Variants in TRIM47 observed in about 807,000 individuals in gnomAD.
The protein encoded by TRIM47 is tripartite motif containing 47.
TRIM47 carries 46 observed loss-of-function variants against 54.4 expected under a neutral mutation model. That is an observed-to-expected ratio of 0.84 (90% CI 0.67 to 1.08). The LOEUF (loss-of-function observed/expected upper bound fraction) is 1.08. TRIM47 is among the 50% of genes least tolerant of loss of function. The pLI is 0.00. For missense variants in TRIM47, 825 were observed against 910.1 expected, an observed-to-expected ratio of 0.91 and a Z score of 1.20; for synonymous variants, 392 against 410.2, an observed-to-expected ratio of 0.96 and a Z score of 0.54.
At position 75,875,799 on chromosome 17, in the gene TRIM47, C is replaced by A; in HGVS notation, c.1201+102G>T. On this transcript the variant is annotated intron_variant, in intron 4 of 5. Coordinates refer to ENST00000254816, the MANE Select transcript of TRIM47 (RefSeq NM_033452.3). This position sits in a 1 kb window ranked among gnomAD's most constrained non-coding sequence, Gnocchi z 6.1. ...GATTTGGGCTCCTCCCTGTGCCAGG[C>A]ACAATTTTCCTCCTCCACTTCTGGA... is the stretch of plus-strand genomic sequence containing the variant. 1 of 1,375,896 alleles carries A rather than the reference C, an allele frequency of 7.3e-7. No homozygotes were observed. The allele number at this position is 1,375,896 out of a possible 1,614,324, so 85.2% of individuals were successfully genotyped here. A position where few individuals can be genotyped will look rare whatever the true frequency, so the allele number is the denominator to read the frequency against.
rs2065128808 is a variant in TRIM47 at position 75,875,654 on chromosome 17, C to T, written c.1202-180G>A. 1.4e-6 allele frequency: 1 copy of T among 716,618 alleles called. No homozygotes were observed. The highest frequency in any genetic ancestry group is 2.7e-5 in the East Asian group (1 of 37,058). 44.4% of individuals were successfully genotyped at this position (716,618 alleles called of 1,614,324 possible). On this transcript the variant is annotated intron_variant, in intron 4 of 5. Coordinates refer to ENST00000254816, the MANE Select transcript of TRIM47 (RefSeq NM_033452.3). The surrounding 1 kb of genome is among the most constrained non-coding windows in gnomAD (Gnocchi z 6.1). ...CGTTGCCTGTGTTCTGCCTCTTGCC[C>T]CATGTGCTTCCCGGGCCACAGCCCT...
rs1381042828 is a variant in TRIM47 at position 75,875,524 on chromosome 17, G to T, written c.1202-50C>A. The T allele has an allele frequency of 6.5e-7, 1 of 1,531,624 alleles. No individual in the cohort carries two copies. Among genetic ancestry groups the T allele is most frequent in the Non-Finnish European group, 9.0e-7 (1 of 1,106,338 alleles). 94.9% of individuals were successfully genotyped at this position (1,531,624 alleles called of 1,614,324 possible). On this transcript the variant is annotated intron_variant, in intron 4 of 5. Coordinates refer to ENST00000254816, the MANE Select transcript of TRIM47 (RefSeq NM_033452.3). The surrounding 1 kb of genome is among the most constrained non-coding windows in gnomAD (Gnocchi z 6.1). ...GAACGCCCCCAGACTGCCCCCCTCT[G>T]AACCTGTGACTACAATCCCTACCCC...
Position 75,876,484 on chromosome 17 carries a change from G to A in TRIM47, c.780C>T (p.Ala260=), listed in dbSNP as rs149563297. The change falls in exon 3 of 6, where the codon GCC becomes GCT. Residue 260 remains alanine (A), a synonymous_variant. Transcript: ENST00000254816. ...GGCTCACCCTCTCCCGCTCTGCTAC[G>A]GCTGCACTCTGCACAGGACGACAGT... ...RRTVALIKSA[A]VAERERVSRL... is the part of the protein sequence containing the mutation. The A allele has an allele frequency of 1.5e-4, 243 of 1,604,424 alleles. No individual in the cohort carries two copies. Among genetic ancestry groups the A allele is most frequent in the Non-Finnish European group, 1.9e-4 (227 of 1,177,894 alleles).
chr17:75,875,356 G>C lies in TRIM47; in HGVS notation c.1276+44C>G, dbSNP rs534379559. 1.6e-5 allele frequency: 26 copies of C among 1,598,554 alleles called. No homozygotes were observed. The highest frequency in any genetic ancestry group is 1.7e-4 in the Middle Eastern group (1 of 6,026). On this transcript the variant is annotated intron_variant, in intron 5 of 5. Transcript: ENST00000254816. This position sits in a 1 kb window ranked among gnomAD's most constrained non-coding sequence, Gnocchi z 6.1. ...CTGCTGGGACCAGCCCAGCAGCCCT[G>C]GGAGGGCCCAGTGTGAGTGGAGGGG...
At position 75,875,352 on chromosome 17, in the gene TRIM47, C is replaced by T; in HGVS notation, c.1276+48G>A. ...GGCCCTGCTGGGACCAGCCCAGCAG[C>T]CCTGGGAGGGCCCAGTGTGAGTGGA... On this transcript the variant is annotated intron_variant, in intron 5 of 5. Coordinates refer to ENST00000254816, the MANE Select transcript of TRIM47 (RefSeq NM_033452.3). This position sits in a 1 kb window ranked among gnomAD's most constrained non-coding sequence, Gnocchi z 6.1. 6.3e-7 allele frequency: 1 copy of T among 1,593,440 alleles called. No individual in the cohort carries two copies. The highest frequency in any genetic ancestry group is 8.6e-7 in the Non-Finnish European group (1 of 1,161,656).
chr17:75,878,553 C>T lies in TRIM47; in HGVS notation c.-5G>A. The stretch of plus-strand genomic sequence containing the variant: ...GAAGGGTCCACTGCCGTCCATGACT[C>T]CGCGGCCGCCCAGGGCGCCGCCGAT... On this transcript the variant is annotated 5_prime_UTR_variant, in exon 1 of 6. Transcript: ENST00000254816. 1 of 1,274,434 alleles carries T rather than the reference C, an allele frequency of 7.8e-7. No individual in the cohort carries two copies. Among genetic ancestry groups the T allele is most frequent in the Non-Finnish European group, 1.0e-6 (1 of 1,004,970 alleles). The allele number at this position is 1,274,434 out of a possible 1,614,324, so 78.9% of individuals were successfully genotyped here.
rs756710895 is a variant in TRIM47 at position 75,874,738 on chromosome 17, G to A, written c.1662C>T (p.Tyr554=). Residue 554 remains tyrosine (Y), a synonymous_variant, in exon 6 of 6, where the codon TAC becomes TAT. Transcript: ENST00000254816. This position sits in a 1 kb window ranked among gnomAD's most constrained non-coding sequence, Gnocchi z 6.2. ...CATAGAAGGCCAAGGCACGGTCAGC[G>A]TATTCCAGGCAGACCCCAACCGTGG... ...FSPTVGVCLE[Y]ADRALAFYAV... 2.9e-5 allele frequency: 46 copies of A among 1,613,932 alleles called. No homozygotes were observed. Among genetic ancestry groups the A allele is most frequent in the South Asian group, 1.8e-4 (16 of 91,090 alleles).
In TRIM47 at chr17:75,876,003, G is replaced by A. The variant is rs749162324; in HGVS notation, c.1099C>T (p.Arg367Cys). 13 of 1,605,772 alleles carry A rather than the reference G, an allele frequency of 8.1e-6. No individual in the cohort carries two copies. The highest frequency in any genetic ancestry group is 4.5e-5 in the East Asian group (2 of 44,894). The change falls in exon 4 of 6, where the codon CGT (arginine) becomes TGT (cysteine). Residue 367 changes from arginine (R) to cysteine (C), a missense_variant. Coordinates refer to ENST00000254816, the MANE Select transcript of TRIM47 (RefSeq NM_033452.3). Reference protein sequence around the residue: ...LSFTKSSQAVRAVRDMLAVAC... With the variant: ...LSFTKSSQAVCAVRDMLAVAC... Reference sequence around the variant, plus strand: ...ACGGCCAGCATGTCTCTCACTGCACGGACAGCTTGGGATGATTTGGTGAAG... The same window carrying A: ...ACGGCCAGCATGTCTCTCACTGCACAGACAGCTTGGGATGATTTGGTGAAG...
In TRIM47 at chr17:75,874,902, CG is replaced by C; in HGVS notation, c.1497del (p.Glu500LysfsTer70). The C allele has an allele frequency of 6.2e-7, 1 of 1,614,116 alleles. No individual in the cohort carries two copies. The highest frequency in any genetic ancestry group is 8.5e-7 in the Non-Finnish European group (1 of 1,180,008). ...TAGGGCTCTTGTGGGGAGAAGTCTT[CG>C]GCCATGACCCCCATGCTGACCCAGC... Reference protein sequence around the residue: ...IEGWVSMGVMAEDFSPQEPYD... With the variant: ...IEGWVSMGVMXEDFSPQEPYD... On this transcript the variant is annotated frameshift_variant, in exon 6 of 6. Coordinates refer to ENST00000254816, the MANE Select transcript of TRIM47 (RefSeq NM_033452.3). LOFTEE classifies it high-confidence loss of function. The surrounding 1 kb of genome is among the most constrained non-coding windows in gnomAD (Gnocchi z 6.2).
At chr17:75,876,552 C>A in intron 2 of TRIM47, 60 bp from the exon 3 acceptor site, 2 of 1,511,164 alleles carry the variant, frequency 1.3e-6, no homozygotes, top group Non-Finnish European at 1.8e-6. Context: ...GACTGTACCC[C>A]CCTCCTTCCC....
rs187197220 is a variant in TRIM47, at chr17:75,877,645, C to T, written c.675+229G>A. The stretch of plus-strand genomic sequence containing the variant: ...CCCGGCCCGGCTTCAGGTCCCCTGC[C>T]CGCTCTTCGCGTCCTTGTCCTGTTC... On this transcript the variant is annotated intron_variant, in intron 1 of 5. Transcript: ENST00000254816. The T allele has an allele frequency of 9.0e-6, 11 of 1,222,824 alleles. No individual in the cohort carries two copies. In the South Asian group the frequency reaches 3.7e-4, roughly 41 times the overall value. The allele number at this position is 1,222,824 out of a possible 1,614,324, so 75.7% of individuals were successfully genotyped here.
rs2065146549 is a variant in TRIM47 at position 75,878,069 on chromosome 17, C to G, written c.480G>C (p.Glu160Asp). The change falls in exon 1 of 6, where the codon GAG (glutamate) becomes GAC (aspartate). Residue 160 changes from glutamate (E) to aspartate (D), a missense_variant. By Grantham distance (45) the Glu-to-Asp change is conservative. Coordinates refer to ENST00000254816, the MANE Select transcript of TRIM47 (RefSeq NM_033452.3). ...SFCPAHLGPH[E>D]RSPALRGHRL... ...GGTGTCCGCGGAGGGCGGGGCTGCG[C>G]TCGTGCGGGCCCAGGTGCGCGGGGC... 1.5e-6 allele frequency: 2 copies of G among 1,362,500 alleles called. No homozygotes were observed. Among genetic ancestry groups the G allele is most frequent in the African/African-American group, 3.1e-5 (2 of 65,406 alleles). The allele number at this position is 1,362,500 out of a possible 1,614,324, so 84.4% of individuals were successfully genotyped here.
chr17:75,876,494 T>C lies in TRIM47; in HGVS notation c.772-2A>G. 6.3e-7 allele frequency: 1 copy of C among 1,597,716 alleles called. No homozygotes were observed. Among genetic ancestry groups the C allele is most frequent in the Non-Finnish European group, 8.5e-7 (1 of 1,174,182 alleles). ...CTCCCGCTCTGCTACGGCTGCACTC[T>C]GCACAGGACGACAGTAGAGGGGGCA... On this transcript the variant is annotated splice_acceptor_variant, in intron 2 of 5. Transcript: ENST00000254816. LOFTEE classifies it high-confidence loss of function.
At chr17:75,877,700 C>T (rs1053481158) in intron 1 of TRIM47, 174 bp downstream of exon 1, 18 of 1,235,556 alleles carry the variant, frequency 1.5e-5, no homozygotes, top group East Asian at 9.5e-5. Context: ...CTTCCCATCT[C>T]CATCACCGCC....
chr17:75,876,966 GC>G, intron 1 of TRIM47, 153 bp from the exon 2 acceptor site: 1 of 699,004 alleles, frequency 1.4e-6, no homozygotes, highest in Non-Finnish European at 2.4e-6. Flanking sequence ...CCCATAATAT[GC>G]CAGAGGTGCC....
At position 75,876,336 on chromosome 17, in the gene TRIM47, G is replaced by C. The variant is rs750276447; in HGVS notation, c.928C>G (p.Gln310Glu). ...CGGGCTCGGCTCAGGCGGCTGCGCT[G>C]TTCCTCCTGTCGCCGCAGGTCACCC... The part of the protein sequence containing the change: ...SQGDLRRQEE[Q>E]RSRLSRARQN... Residue 310 changes from glutamine to glutamate, a missense_variant, in exon 3 of 6, where the codon CAG becomes GAG. Gln to Glu is a conservative substitution (Grantham distance 29). Transcript: ENST00000254816. The C allele has an allele frequency of 9.9e-6, 16 of 1,611,456 alleles. No homozygotes were observed. In the East Asian group the frequency reaches 2.9e-4, roughly 29 times the overall value.
At position 75,875,985 on chromosome 17, in the gene TRIM47, G is replaced by A; in HGVS notation, c.1117C>T (p.Leu373=). Residue 373 remains leucine (L), a synonymous_variant, in exon 4 of 6, where the codon CTG becomes TTG. Coordinates refer to ENST00000254816, the MANE Select transcript of TRIM47 (RefSeq NM_033452.3). This position sits in a 1 kb window ranked among gnomAD's most constrained non-coding sequence, Gnocchi z 6.1. ...CACTGGTTGACGCAGGCCACGGCCA[G>A]CATGTCTCTCACTGCACGGACAGCT... The part of the protein sequence containing the change: ...SQAVRAVRDM[L]AVACVNQWEQ... 6.2e-7 allele frequency: 1 copy of A among 1,607,976 alleles called. No homozygotes were observed. Among genetic ancestry groups the A allele is most frequent in the Non-Finnish European group, 8.5e-7 (1 of 1,179,998 alleles).
intron 1 of TRIM47, chr17:75,877,599 C>T: frequency 1.8e-6 from 2 of 1,113,744 alleles, no homozygotes; most frequent in Non-Finnish European, 2.3e-6. Context: ...CCGGCTCCCT[C>T]CCGCCTACAC....
At position 75,876,317 on chromosome 17, in the gene TRIM47, C is replaced by T. The variant is rs372636189; in HGVS notation, c.947G>A (p.Arg316Gln). The T allele has an allele frequency of 5.0e-6, 8 of 1,610,678 alleles. No homozygotes were observed. Among genetic ancestry groups the T allele is most frequent in the Admixed American group, 1.7e-5 (1 of 59,978 alleles). ...RQEEQRSRLS[R>Q]ARQNLSQVPE... ...GACCTGGCTGAGATTCTGGCGGGCT[C>T]GGCTCAGGCGGCTGCGCTGTTCCTC... The change falls in exon 3 of 6, where the codon CGA (arginine) becomes CAA (glutamine). Residue 316 changes from arginine (R) to glutamine (Q), a missense_variant. Coordinates refer to ENST00000254816, the MANE Select transcript of TRIM47 (RefSeq NM_033452.3).
Sources: allele counts gnomAD v4.1 joint callset, GRCh38; gene constraint gnomAD v4.1.1; non-coding constraint Gnocchi (gnomAD v3.1); transcripts MANE v1.5; gene names NCBI Gene and HGNC (gene_info 2026-07-23, HGNC 2026-07-21).